The following NLRP1 variants were observed in gnomAD, a reference collection of about 807,000 sequenced individuals.
NLRP1 encodes the protein NLR family pyrin domain containing 1.
Under a neutral mutation model 136.7 loss-of-function variants are expected in NLRP1, and 94 were observed. The observed-to-expected ratio is 0.69, with a 90% CI of 0.58 to 0.82. The LOEUF is 0.82. Ranked by LOEUF, NLRP1 falls within the 40% of genes least tolerant of loss-of-function variation. The pLI is 0.00. For missense variants in NLRP1, 1,575 were observed against 1,802.7 expected (o/e 0.87, Z 2.29); for synonymous variants, 690 against 725.1 (o/e 0.95, Z 0.78).
chr17:5,517,890 G>A lies in NLRP1; in HGVS notation c.3916-3C>T. 1 of 1,613,938 alleles carries A rather than the reference G, an allele frequency of 6.2e-7. No homozygotes were observed. The highest frequency in any genetic ancestry group is 1.3e-5 in the African/African-American group (1 of 75,046). ...CTTCGATAGCAGAGCTCCAGTTCCT[G>A]AAGAGGCAAAGAGTTGAGTTGCCAC... On this transcript the variant is annotated splice_region_variant and splice_polypyrimidine_tract_variant and intron_variant, in intron 14 of 16. Coordinates refer to ENST00000572272, the MANE Select transcript of NLRP1 (RefSeq NM_033004.4).
chr17:5,561,679 A>G lies in NLRP1; in HGVS notation c.653-1636T>C, dbSNP rs538363404. On this transcript the variant is annotated intron_variant, in intron 3 of 16. Coordinates refer to ENST00000572272, the MANE Select transcript of NLRP1 (RefSeq NM_033004.4). Reference sequence around the variant, plus strand: ...AGGATGGTCTCGATCTCCTGACCTCATGATCCACCCGCCTCGGCCTCCCAA... The same window carrying G: ...AGGATGGTCTCGATCTCCTGACCTCGTGATCCACCCGCCTCGGCCTCCCAA... Among the ~76,000 whole-genome samples, 125 of 41,138 alleles carry G rather than the reference A, an allele frequency of 3.0e-3. 32 individuals carry two copies. The highest frequency in any genetic ancestry group is 6.1e-3 in the Non-Finnish European group (107 of 17,480). The allele number at this position is 41,138 out of a possible 152,430, so 27.0% of individuals were successfully genotyped here.
At position 5,515,519 on chromosome 17, in the gene NLRP1, T is replaced by G; in HGVS notation, c.4058-2A>C. ...GAGTAGTTGCAGGCATGAGATCTCC[T>G]GGAGGAAAACAGAGATGAAGATGCA... is the stretch of plus-strand genomic sequence containing the variant. On this transcript the variant is annotated splice_acceptor_variant, in intron 15 of 16. Transcript: ENST00000572272. LOFTEE classifies it high-confidence loss of function. 6.2e-7 allele frequency: 1 copy of G among 1,612,190 alleles called. No homozygotes were observed. The highest frequency in any genetic ancestry group is 8.5e-7 in the Non-Finnish European group (1 of 1,178,288).
intron 11 of NLRP1, 110 bp downstream of exon 11, chr17:5,532,712 T>C (rs1910461338): frequency 1.1e-6 from 1 of 891,904 alleles, no homozygotes; most frequent in Non-Finnish European, 1.6e-6. Flanking sequence ...GGGGACCCAG[T>C]GGTGAGTGTG....
rs199810168 is a variant in NLRP1, at chr17:5,558,422, A to T, written c.2274T>A (p.Ile758=). 4.5e-5 allele frequency: 72 copies of T among 1,613,982 alleles called. No homozygotes were observed. The highest frequency in any genetic ancestry group is 6.0e-5 in the Non-Finnish European group (71 of 1,180,026). ...GCTTCTTCACGTGGCGGCTGAATTTAATGCAGAAAGTGCACACTAAGAGCT... is the reference window on the plus strand; with the variant it reads ...GCTTCTTCACGTGGCGGCTGAATTTTATGCAGAAAGTGCACACTAAGAGCT... ...DMELLVCTFC[I]KFSRHVKKLQ... The change falls in exon 4 of 17, where the codon ATT becomes ATA. Residue 758 remains isoleucine (I), a synonymous_variant. Coordinates refer to ENST00000572272, the MANE Select transcript of NLRP1 (RefSeq NM_033004.4).
At position 5,517,738 on chromosome 17, in the gene NLRP1, G is replaced by A. The variant is rs190095941; in HGVS notation, c.4057+8C>T. ...CCTCTGAGTTCTCTGGAATTGTCCT[G>A]GATTTACCTGGTTTCACCAAGGCCT... On this transcript the variant is annotated splice_region_variant and intron_variant, in intron 15 of 16. Transcript: ENST00000572272. 7 of 1,613,886 alleles carry A rather than the reference G, an allele frequency of 4.3e-6. No individual in the cohort carries two copies. In the African/African-American group the frequency reaches 6.7e-5, roughly 15 times the overall value.
rs775960305 is a variant in NLRP1 at position 5,515,065 on chromosome 17, A to T, written c.4111T>A (p.Ser1371Thr). The change falls in exon 17 of 17, where the codon TCA becomes ACA. Residue 1371 changes from serine to threonine, a missense_variant. Transcript: ENST00000572272. ...AGCAACTGCGGGGCATCCAGAGGTG[A>T]AGGTACGGCTGGCAACGAACAAAGA... ...LIPPARIAVP[S>T]PLDAPQLLHF... 9.9e-6 allele frequency: 16 copies of T among 1,613,556 alleles called. No individual in the cohort carries two copies. The highest frequency in any genetic ancestry group is 8.3e-5 in the Admixed American group (5 of 59,994).
rs571089205 is a variant in NLRP1, at chr17:5,582,591, G to A, written c.448+79C>T. ...CCCCCATGTCAGGTCCCCATGCACA[G>A]ACATGATCCTCTGGGTGGGGCCCAC... On this transcript the variant is annotated intron_variant, in intron 2 of 16. Transcript: ENST00000572272. 7.9e-6 allele frequency: 11 copies of A among 1,398,814 alleles called. No homozygotes were observed. The East Asian group carries it at 1.5e-4, about 19-fold the overall frequency. The allele number at this position is 1,398,814 out of a possible 1,614,324, so 86.7% of individuals were successfully genotyped here.
At chr17:5,521,040 G>T in intron 13 of NLRP1, 28 bp from the exon 14 acceptor site, 1 of 1,576,008 alleles carries the variant, frequency 6.3e-7, no homozygotes, top group South Asian at 1.2e-5. Context: ...CAATGATTAA[G>T]GGAGGCTTCT....
downstream of NLRP1, among the ~76,000 whole-genome samples, chr17:5,511,821 T>TTC (rs1330385639): frequency 1.0e-5 from 1 of 96,274 alleles, no homozygotes; most frequent in Non-Finnish European, 2.0e-5. Flanking sequence ...CCTTCCTTCC[T>TTC]CTTTTTCTTC....
chr17:5,568,734 A>G (rs1156387628), intron 3 of NLRP1, among the ~76,000 whole-genome samples: 1 of 152,118 alleles, frequency 6.6e-6, no homozygotes, highest in Non-Finnish European at 1.5e-5. Context: ...GAGTTTTGTG[A>G]TCTAAGGCAT....
intron 4 of NLRP1, among the ~76,000 whole-genome samples, chr17:5,556,850 C>G (rs1651053208): frequency 6.6e-6 from 1 of 152,054 alleles, no homozygotes; most frequent in Non-Finnish European, 1.5e-5. Context: ...TCTCGAACTC[C>G]TGACCTCAGG....
Position 5,537,032 on chromosome 17 carries a change from G to A in NLRP1, c.2871-92C>T, listed in dbSNP as rs899679551. On this transcript the variant is annotated intron_variant, in intron 7 of 16. Transcript: ENST00000572272. The surrounding 1 kb of genome is among the most constrained non-coding windows in gnomAD (Gnocchi z 4.5). ...AGAATCCTGGGACCTGTCACCTTCT[G>A]AGGCAGCGGCCGCAGGGTGGGTTCC... The A allele has an allele frequency of 1.7e-5, 15 of 883,388 alleles. No homozygotes were observed. The highest frequency in any genetic ancestry group is 2.8e-5 in the Non-Finnish European group (15 of 532,196). 54.7% of individuals were successfully genotyped at this position (883,388 alleles called of 1,614,324 possible).
In NLRP1 at chr17:5,507,321, T is replaced by A. The variant is rs567406637; in HGVS notation, c.4070-5449A>T. 1.5e-4 allele frequency among the ~76,000 whole-genome samples: 23 copies of A among 152,278 alleles called. No individual in the cohort carries two copies. The South Asian group carries it at 1.9e-3, about 12-fold the overall frequency. The stretch of plus-strand genomic sequence containing the variant: ...CAAACTGTCTTCAAATAAATTAAAT[T>A]AATTAAATTAAATTAAATTAAAGGT... On this transcript the variant is annotated intron_variant, in intron 15 of 15. Coordinates refer to the NLRP1 transcript ENST00000262467.
chr17:5,580,433 G>GTT (rs918947523), intron 3 of NLRP1, among the ~76,000 whole-genome samples: 1 of 148,234 alleles, frequency 6.7e-6, no homozygotes, highest in Admixed American at 6.7e-5. Flanking sequence ...GTTTGTTGTT[G>GTT]TTTTTTTTTT....
intron 3 of NLRP1, among the ~76,000 whole-genome samples, chr17:5,572,984 G>A (rs1304502799): frequency 6.6e-6 from 1 of 152,162 alleles, no homozygotes; most frequent in Non-Finnish European, 1.5e-5. Context: ...GACAGTGGGT[G>A]CAGCCCACCG....
At chr17:5,555,024 C>CAA (rs200091980) in intron 4 of NLRP1, among the ~76,000 whole-genome samples, 1 of 58,716 alleles carries the variant, frequency 1.7e-5, no homozygotes, top group African/African-American at 3.1e-5. Context: ...CCATCACACA[C>CAA]ACACACACAC....
At chr17:5,571,668 T>A (rs1167405270) in intron 3 of NLRP1, among the ~76,000 whole-genome samples, 1 of 152,182 alleles carries the variant, frequency 6.6e-6, no homozygotes, top group Non-Finnish European at 1.5e-5. Flanking sequence ...AAAATCGCCA[T>A]ACTACTCCAA....
chr17:5,562,096 G>A lies in NLRP1; in HGVS notation c.653-2053C>T, dbSNP rs544289568. ...GGGAAACACCCAGATGGCAGGGTGG[G>A]TGACTCCAACCACCTCTGCCTGTGG... is the stretch of plus-strand genomic sequence containing the variant. On this transcript the variant is annotated intron_variant, in intron 3 of 16. Transcript: ENST00000572272. Among the ~76,000 whole-genome samples the A allele has an allele frequency of 3.7e-4, 56 of 152,334 alleles. No individual in the cohort carries two copies. The Middle Eastern group carries it at 0.01, about 28-fold the overall frequency.
intron 3 of NLRP1, among the ~76,000 whole-genome samples, chr17:5,562,303 C>T (rs115618687): frequency 0.015 from 2,305 of 152,330 alleles, 47 homozygotes; most frequent in African/African-American, 0.052. Context: ...CAGGGAAGAG[C>T]CCTCATTCTC....
Sources: allele counts gnomAD v4.1 joint callset (sites outside exome capture counted in the v4.1 genomes callset), GRCh38; gene constraint gnomAD v4.1.1; non-coding constraint Gnocchi (gnomAD v3.1); transcripts MANE v1.5; gene names NCBI Gene and HGNC (gene_info 2026-07-23, HGNC 2026-07-21).